DLGAP2: variants seen among roughly 807,000 people sequenced by gnomAD.
DLGAP2 encodes the protein disks large-associated protein 2.
A neutral mutation model predicts 100.3 loss-of-function variants in DLGAP2; 26 were observed. The ratio of observed to expected loss-of-function variants is 0.26; its 90% CI spans 0.19 to 0.36. DLGAP2 has a LOEUF of 0.36. DLGAP2 is among the 10% of genes least tolerant of loss of function. DLGAP2 has a pLI of 1.00. For synonymous variants in DLGAP2, 886 were observed against 630.1 expected, an observed-to-expected ratio of 1.41 and a Z score of -6.08; for missense variants, 1,858 against 1,453.2, an observed-to-expected ratio of 1.28 and a Z score of -4.53.
rs544425486 is a variant in DLGAP2 at position 1,704,154 on chromosome 8, G to C, written c.*2748G>C. On this transcript the variant is annotated 3_prime_UTR_variant, in exon 15 of 15. Transcript: ENST00000637795. ...TAGCTTATTTCAGCCACTTCTAGCA[G>C]ATCATGCCATGGAGCTCACGACGTG... 8 of 152,752 alleles carry C rather than the reference G, an allele frequency of 5.2e-5. No homozygotes were observed. Among genetic ancestry groups the C allele is most frequent in the Non-Finnish European group, 1.0e-4 (7 of 68,030 alleles). The allele number at this position is 152,752 out of a possible 1,614,324, so 9.5% of individuals were successfully genotyped here. A position where few individuals can be genotyped will look rare whatever the true frequency, so the allele number is the denominator to read the frequency against.
rs564939644 is a variant in DLGAP2 at position 1,628,094 on chromosome 8, A to G, written c.1590+1207A>G. ...TCTCTCTGACTTACTGTGGAGCAGG[A>G]ATTAAGAGCTTGAGCCGACCTCACA... On this transcript the variant is annotated intron_variant, in intron 7 of 14. Coordinates refer to ENST00000637795, the MANE Select transcript of DLGAP2 (RefSeq NM_001346810.2). Among the ~76,000 whole-genome samples the G allele has an allele frequency of 2.9e-3, 237 of 82,512 alleles. 9 individuals are homozygous for G. Among genetic ancestry groups the G allele is most frequent in the African/African-American group, 0.011 (180 of 16,934 alleles). The allele number at this position is 82,512 out of a possible 152,430, so 54.1% of individuals were successfully genotyped here.
At chr8:1,651,972 TGCCCCAGGCACCTA>T in intron 8 of DLGAP2, among the ~76,000 whole-genome samples, 1 of 152,332 alleles carries the variant, frequency 6.6e-6, no homozygotes, top group South Asian at 2.1e-4. Context: ...GCAGGCAGCC[TGCCCCAGGCACCTA>T]CACAGCTCGT....
intron 3 of DLGAP2, among the ~76,000 whole-genome samples, chr8:1,330,617 AGCACCG>A: frequency 2.1e-5 from 3 of 141,610 alleles, no homozygotes; most frequent in Non-Finnish European, 4.5e-5. Flanking sequence ...TCTGGGTGGG[AGCACCG>A]CTTCACGGGG....
chr8:1,701,058 G>A (rs1418621993), intron 14 of DLGAP2, 130 bp from the exon 15 acceptor site: 9 of 780,820 alleles, frequency 1.2e-5, no homozygotes, highest in Middle Eastern at 3.8e-4. Flanking sequence ...GACGGGGGAC[G>A]GGAGTGAAGG....
rs562687743 is a variant in DLGAP2 at position 1,624,054 on chromosome 8, C to T, written c.1443-2686C>T. 2.9e-4 allele frequency among the ~76,000 whole-genome samples: 44 copies of T among 152,302 alleles called. 1 individual carries two copies. The South Asian group carries it at 7.5e-3, about 26-fold the overall frequency. ...AGCCATGGCTCAGAGGTGATCCCTT[C>T]GTTCACGTAGCAGGCACTGGTTAGA... On this transcript the variant is annotated intron_variant, in intron 6 of 14. Coordinates refer to ENST00000637795, the MANE Select transcript of DLGAP2 (RefSeq NM_001346810.2).
At chr8:1,531,462 T>C (rs11136405) in intron 4 of DLGAP2, among the ~76,000 whole-genome samples, 7 of 151,920 alleles carry the variant, frequency 4.6e-5, no homozygotes, top group African/African-American at 9.7e-5. Context: ...TTTTCAGCTA[T>C]TTGGTATTAA....
intron 2 of DLGAP2, among the ~76,000 whole-genome samples, chr8:1,240,757 C>CGCCGTGTCTAGTTCTCTCACGTGGT (rs1798774738): frequency 1.2e-5 from 1 of 82,498 alleles, no homozygotes; most frequent in East Asian, 3.7e-4. Context: ...TCTCGCATGG[C>CGCCGTGTCTAGTTCTCTCACGTGGT]GCCGTGTCTA....
intron 2 of DLGAP2, among the ~76,000 whole-genome samples, chr8:1,013,049 G>T (rs2129021420): frequency 6.6e-6 from 1 of 152,240 alleles, no homozygotes; most frequent in Admixed American, 6.5e-5. Context: ...CACAGATGCT[G>T]GGGTCTCCAT....
intron 2 of DLGAP2, among the ~76,000 whole-genome samples, chr8:962,319 A>T (rs1039903302): frequency 1.3e-5 from 2 of 152,172 alleles, no homozygotes; most frequent in Non-Finnish European, 2.9e-5. Context: ...AAAGCAGAAC[A>T]CTGAATACAA....
In DLGAP2 at chr8:1,411,392, G is replaced by C. The variant is rs369734191; in HGVS notation, c.107-89974G>C. Reference sequence around the variant, plus strand: ...TACATATGGGTTTCCACATAAAAGAGCATAAAAGCACGAAGGACTTGACCC... The same window carrying C: ...TACATATGGGTTTCCACATAAAAGACCATAAAAGCACGAAGGACTTGACCC... On this transcript the variant is annotated intron_variant, in intron 3 of 14. Transcript: ENST00000637795. Among the ~76,000 whole-genome samples the C allele has an allele frequency of 2.5e-4, 38 of 152,324 alleles. 1 individual carries two copies. In the South Asian group the frequency reaches 7.2e-3, roughly 29 times the overall value.
intron 8 of DLGAP2, among the ~76,000 whole-genome samples, chr8:1,661,545 A>G (rs1277996427): frequency 6.6e-6 from 1 of 152,228 alleles, no homozygotes; most frequent in African/African-American, 2.4e-5. Context: ...AGAGGTTTAT[A>G]TAGCAGGGAA....
At chr8:1,623,191 C>T (rs1797392480) in intron 6 of DLGAP2, among the ~76,000 whole-genome samples, 1 of 152,236 alleles carries the variant, frequency 6.6e-6, no homozygotes, top group Non-Finnish European at 1.5e-5. Context: ...TATGACTCAG[C>T]ATCTTGAGTG....
chr8:1,537,728 T>TGGAAGGAA (rs10523091), intron 4 of DLGAP2, among the ~76,000 whole-genome samples: 4,455 of 136,576 alleles, frequency 0.033, 72 homozygotes, highest in East Asian at 0.079. Flanking sequence ...GATGAAAGGA[T>TGGAAGGAA]GGAAGGAAGG....
chr8:1,416,466 C>T (rs1431045937), intron 3 of DLGAP2, among the ~76,000 whole-genome samples: 1 of 152,148 alleles, frequency 6.6e-6, no homozygotes, highest in Admixed American at 6.5e-5. Flanking sequence ...GTCCATCAGG[C>T]GGAGAATCCG....
chr8:1,266,837 T>G (rs1799461066), intron 3 of DLGAP2, among the ~76,000 whole-genome samples: 1 of 152,106 alleles, frequency 6.6e-6, no homozygotes, highest in African/African-American at 2.4e-5. Context: ...CCCCATTGTG[T>G]GTGCAGCTTC....
At chr8:1,028,873 C>T (rs373166638) in intron 2 of DLGAP2, among the ~76,000 whole-genome samples, 23 of 152,250 alleles carry the variant, frequency 1.5e-4, no homozygotes, top group African/African-American at 5.3e-4. Context: ...GGAGGGAGGA[C>T]AATGGCGGGA....
intron 3 of DLGAP2, among the ~76,000 whole-genome samples, chr8:1,344,131 G>GTCCATGTACTCGGGTCCCTGTCGTGA (rs1801492729): frequency 3.5e-5 from 4 of 112,756 alleles, no homozygotes; most frequent in African/African-American, 1.2e-4. Context: ...CCCTGTCGTG[G>GTCCATGTACTCGGGTCCCTGTCGTGA]GTCCGTGTAC....
intron 1 of DLGAP2, among the ~76,000 whole-genome samples, chr8:802,979 AAAGGT>A (rs1224750331): frequency 6.6e-6 from 1 of 152,220 alleles, no homozygotes; most frequent in Non-Finnish European, 1.5e-5. Flanking sequence ...TGATTCCCGA[AAAGGT>A]AGGCATTTCT....
At chr8:801,964 ACGGTC>A (rs1563038965) in intron 1 of DLGAP2, among the ~76,000 whole-genome samples, 2,183 of 151,072 alleles carry the variant, frequency 0.014, 56 homozygotes, top group Non-Finnish European at 0.021. Context: ...GGCCTGGGGA[ACGGTC>A]TGCACCCCTC....
Sources: allele counts gnomAD v4.1 joint callset (sites outside exome capture counted in the v4.1 genomes callset), GRCh38; gene constraint gnomAD v4.1.1; transcripts MANE v1.5; gene names NCBI Gene and HGNC (gene_info 2026-07-23, HGNC 2026-07-21).